Variants in AGMO observed in about 807,000 individuals in gnomAD.
AGMO encodes the protein alkylglycerol monooxygenase.
In AGMO, 75 loss-of-function variants were observed where a neutral mutation model predicts 60.2. The ratio of observed to expected loss-of-function variants is 1.25; its 90% CI spans 1.03 to 1.51. The LOEUF (loss-of-function observed/expected upper bound fraction) is 1.51. AGMO is among the 40% of genes most tolerant of loss of function. The probability of loss-of-function intolerance (pLI) is 0.00; values close to 1 mark genes in which losing one functional copy is unlikely to be tolerated. For missense variants in AGMO, 763 were observed against 525.5 expected (o/e 1.45, Z -4.42); for synonymous variants, 261 against 177.1 (o/e 1.47, Z -3.76).
chr7:15,179,951 A>G, the AGMO span, among the ~76,000 whole-genome samples: 54,595 of 152,050 alleles, frequency 0.36, 10,821 homozygotes, highest in Middle Eastern at 0.46. Flanking sequence ...GGGGATGAGA[A>G]TCCCAAGATG....
At chr7:15,416,306 T>A (rs929857340) in intron 5 of AGMO, among the ~76,000 whole-genome samples, 1 of 152,262 alleles carries the variant, frequency 6.6e-6, no homozygotes, top group Non-Finnish European at 1.5e-5. Flanking sequence ...AATGTTGGGA[T>A]TACAGACATG....
At position 15,468,201 on chromosome 7, in the gene AGMO, G is replaced by T. The variant is rs1294121325; in HGVS notation, c.410-37093C>A. Among the ~76,000 whole-genome samples, 5 of 152,282 alleles carry T rather than the reference G, an allele frequency of 3.3e-5. No homozygotes were observed. The South Asian group carries it at 6.2e-4, about 19-fold the overall frequency. On this transcript the variant is annotated intron_variant, in intron 3 of 12. Coordinates refer to ENST00000342526, the MANE Select transcript of AGMO (RefSeq NM_001004320.2). ...AAATGGTGATGGCAAAAATACTGTT[G>T]TAGCTGTTACATCCCTTGTAATATT...
chr7:15,311,275 C>T (rs1780763258), intron 12 of AGMO, among the ~76,000 whole-genome samples: 1 of 152,152 alleles, frequency 6.6e-6, no homozygotes, highest in Non-Finnish European at 1.5e-5. Flanking sequence ...GCAAAAGCTA[C>T]TTTTTGGCTG....
the AGMO span, among the ~76,000 whole-genome samples, chr7:15,160,134 A>G: frequency 1.3e-5 from 2 of 152,278 alleles, no homozygotes; most frequent in East Asian, 3.9e-4. Flanking sequence ...CTTCTCATAC[A>G]TGTTGATATT....
At chr7:15,405,157 T>C (rs531639099) in intron 5 of AGMO, among the ~76,000 whole-genome samples, 1 of 151,940 alleles carries the variant, frequency 6.6e-6, no homozygotes, top group African/African-American at 2.4e-5. Flanking sequence ...TATTAATACA[T>C]CCATTCTGAC....
At chr7:15,330,612 C>A (rs561849325) in intron 12 of AGMO, among the ~76,000 whole-genome samples, 6 of 152,196 alleles carry the variant, frequency 3.9e-5, no homozygotes, top group African/African-American at 1.4e-4. Flanking sequence ...CAGAAGCCTT[C>A]CCTTCTGTTT....
intron 12 of AGMO, among the ~76,000 whole-genome samples, chr7:15,272,716 C>T (rs1380483804): frequency 6.6e-6 from 1 of 152,176 alleles, no homozygotes; most frequent in South Asian, 2.1e-4. Flanking sequence ...CTGTCTTCCA[C>T]AATGGTTGAA....
Position 15,561,704 on chromosome 7 carries a change from T to C in AGMO, c.126+16A>G. ...AGCAGCAAGAATAAGAGTAGCCTCT[T>C]CCAATAAAGTCTCACCTTTTTTACA... On this transcript the variant is annotated intron_variant, in intron 1 of 12. Transcript: ENST00000342526. 6.3e-7 allele frequency: 1 copy of C among 1,594,168 alleles called. No individual in the cohort carries two copies. The highest frequency in any genetic ancestry group is 1.4e-5 in the African/African-American group (1 of 73,966).
intron 10 of AGMO, among the ~76,000 whole-genome samples, chr7:15,376,116 G>A (rs61506135): frequency 4.6e-5 from 7 of 151,826 alleles, no homozygotes; most frequent in Non-Finnish European, 8.8e-5. Context: ...ATAGTCTTCC[G>A]TTACTACAAA....
chr7:15,528,861 T>A (rs1583649158), intron 3 of AGMO, among the ~76,000 whole-genome samples: 2 of 152,100 alleles, frequency 1.3e-5, no homozygotes, highest in Admixed American at 6.6e-5. Flanking sequence ...TTGGTCAGGC[T>A]GGTCTCGAAC....
At chr7:15,204,146 T>C (rs1781380083) in intron 12 of AGMO, among the ~76,000 whole-genome samples, 1 of 152,130 alleles carries the variant, frequency 6.6e-6, no homozygotes, top group Admixed American at 6.6e-5. Flanking sequence ...CTTTAGAATA[T>C]ATGTGTTTAT....
At chr7:15,554,306 G>A (rs1785066542) in intron 2 of AGMO, among the ~76,000 whole-genome samples, 1 of 151,906 alleles carries the variant, frequency 6.6e-6, no homozygotes, top group African/African-American at 2.4e-5. Context: ...TATAAAATAT[G>A]TACGTATATA....
At chr7:15,331,920 G>A (rs1249110504) in intron 12 of AGMO, among the ~76,000 whole-genome samples, 1 of 145,732 alleles carries the variant, frequency 6.9e-6, no homozygotes. Flanking sequence ...GAGTAAAACT[G>A]TCTCAAAAAA....
At chr7:15,284,964 T>C (rs1784062310) in intron 12 of AGMO, among the ~76,000 whole-genome samples, 2 of 151,196 alleles carry the variant, frequency 1.3e-5, no homozygotes, top group Admixed American at 6.6e-5. Context: ...ATAAACAGAA[T>C]TAAAAATAAA....
chr7:15,502,286 T>G lies in AGMO; in HGVS notation c.409+42486A>C, dbSNP rs1207587852. On this transcript the variant is annotated intron_variant, in intron 3 of 12. Coordinates refer to ENST00000342526, the MANE Select transcript of AGMO (RefSeq NM_001004320.2). ...AGCCTTGCCCCTCCTCCTTCATTGC[T>G]AAACATTCTTTCGCTCCCCCCAAGT... Among the ~76,000 whole-genome samples the G allele has an allele frequency of 2.0e-5, 3 of 151,948 alleles. No individual in the cohort carries two copies. The East Asian group carries it at 5.8e-4, about 29-fold the overall frequency.
At chr7:15,182,073 T>A in the AGMO span, among the ~76,000 whole-genome samples, 1 of 152,118 alleles carries the variant, frequency 6.6e-6, no homozygotes, top group East Asian at 1.9e-4. Flanking sequence ...TCTTAAAAAA[T>A]TATGCTAAGT....
At chr7:15,243,094 T>A (rs558071777) in intron 12 of AGMO, among the ~76,000 whole-genome samples, 13 of 152,136 alleles carry the variant, frequency 8.5e-5, no homozygotes, top group South Asian at 2.1e-4. Context: ...ATACAAGAAT[T>A]TAGATACTGA....
chr7:15,406,634 T>TG lies in AGMO; in HGVS notation c.609+11923dup, dbSNP rs202016251. On this transcript the variant is annotated intron_variant, in intron 5 of 12. Coordinates refer to ENST00000342526, the MANE Select transcript of AGMO (RefSeq NM_001004320.2). ...ACATGTACACATGTGTGTATATATA[T>TG]GAATATACATATATATGTGTATATA... Among the ~76,000 whole-genome samples the TG allele has an allele frequency of 7.3e-3, 427 of 58,242 alleles. 64 individuals carry two copies. The highest frequency in any genetic ancestry group is 0.037 in the African/African-American group (362 of 9,862). The allele number at this position is 58,242 out of a possible 152,430, so 38.2% of individuals were successfully genotyped here. A position where few individuals can be genotyped will look rare whatever the true frequency, so the allele number is the denominator to read the frequency against.
At chr7:15,459,312 G>A (rs531252019) in intron 3 of AGMO, among the ~76,000 whole-genome samples, 14 of 152,220 alleles carry the variant, frequency 9.2e-5, no homozygotes, top group East Asian at 5.8e-4. Context: ...AAAAGGGTTC[G>A]TTTATGCAAA....
Sources: gnomAD v4.1 joint callset for allele counts (sites outside exome capture counted in the v4.1 genomes callset) on GRCh38, gnomAD v4.1.1 for gene constraint, MANE v1.5 for transcripts, NCBI Gene and HGNC (gene_info 2026-07-23, HGNC 2026-07-21) for gene names.